IP6K1: variants seen among roughly 807,000 people sequenced by gnomAD.
The protein encoded by IP6K1 is inositol hexakisphosphate kinase 1.
A neutral mutation model predicts 38.3 loss-of-function variants in IP6K1; 13 were observed. The ratio of observed to expected loss-of-function variants is 0.34; its 90% CI spans 0.22 to 0.54. The LOEUF is 0.54. Among genes scored for constraint, IP6K1 ranks in the 20% least tolerant of loss-of-function variants. IP6K1 has a pLI of 0.92. For missense variants in IP6K1, 397 were observed against 599.8 expected (o/e 0.66, Z 3.53); for synonymous variants, 212 against 229.9 (o/e 0.92, Z 0.70).
chr3:49,747,789 T>C, intron 2 of IP6K1, 29 bp downstream of exon 2: 1 of 1,613,902 alleles, frequency 6.2e-7, no homozygotes, highest in Non-Finnish European at 8.5e-7. Flanking sequence ...CCAAGGCTGC[T>C]GCTTTCATTA....
chr3:49,744,435 A>G (rs1157133081), intron 2 of IP6K1, among the ~76,000 whole-genome samples: 1 of 150,036 alleles, frequency 6.7e-6, no homozygotes, highest in Non-Finnish European at 1.5e-5. Flanking sequence ...AAAAGAAATT[A>G]GAATTCTATA....
chr3:49,727,142 T>C lies in IP6K1; in HGVS notation c.1306A>G (p.Met436Val). 1 of 1,610,432 alleles carries C rather than the reference T, an allele frequency of 6.2e-7. No individual in the cohort carries two copies. Among genetic ancestry groups the C allele is most frequent in the Non-Finnish European group, 8.5e-7 (1 of 1,177,360 alleles). ...LENLISIMEQ[M>V]RDENQ ...AGGGCCTACTGGTTCTCGTCCCGCA[T>C]CTGTTCCATGATGCTGATGAGGTTC... is the stretch of plus-strand genomic sequence containing the variant. The change falls in exon 6 of 6, where the codon ATG (methionine) becomes GTG (valine). Residue 436 changes from methionine to valine, a missense_variant. This residue lies in a region of IP6K1 where 164 missense variants were observed against 213.5 expected (regional missense o/e 0.77). Coordinates refer to ENST00000321599, the MANE Select transcript of IP6K1 (RefSeq NM_153273.4). This position sits in a 1 kb window ranked among gnomAD's most constrained non-coding sequence, Gnocchi z 5.9.
intron 1 of IP6K1, among the ~76,000 whole-genome samples, chr3:49,762,825 T>G (rs1179584390): frequency 1.3e-5 from 2 of 151,528 alleles, no homozygotes; most frequent in Non-Finnish European, 2.9e-5. Flanking sequence ...CAGGCTGGAG[T>G]GCATGGCACA....
intron 1 of IP6K1, among the ~76,000 whole-genome samples, chr3:49,765,843 G>C (rs2080906982): frequency 6.6e-6 from 1 of 151,402 alleles, no homozygotes. Context: ...AGGAGTTCAA[G>C]ACCAGACTGG....
At chr3:49,762,897 G>A (rs1401105818) in intron 1 of IP6K1, among the ~76,000 whole-genome samples, 2 of 151,480 alleles carry the variant, frequency 1.3e-5, no homozygotes, top group East Asian at 2.0e-4. Flanking sequence ...TCAGCCTCCT[G>A]AGTAGCTGGG....
intron 3 of IP6K1, among the ~76,000 whole-genome samples, chr3:49,733,796 T>C (rs999850011): frequency 6.6e-6 from 1 of 152,138 alleles, no homozygotes; most frequent in African/African-American, 2.4e-5. Flanking sequence ...TACTTAATGC[T>C]ACCAAACCAC....
At chr3:49,758,508 C>G (rs1391797330) in intron 1 of IP6K1, 1 of 152,078 alleles carries the variant, frequency 6.6e-6, no homozygotes, top group East Asian at 1.9e-4. Context: ...ATTGGTGGAG[C>G]ATTCGTTGTA....
chr3:49,757,091 A>C (rs1209343614), intron 1 of IP6K1, among the ~76,000 whole-genome samples: 1 of 152,174 alleles, frequency 6.6e-6, no homozygotes, highest in Non-Finnish European at 1.5e-5. Context: ...CTTAAAATTA[A>C]ACTGTCTAAA....
intron 2 of IP6K1, among the ~76,000 whole-genome samples, chr3:49,744,318 C>A (rs950562766): frequency 7.4e-6 from 1 of 134,514 alleles, no homozygotes; most frequent in Non-Finnish European, 1.5e-5. Flanking sequence ...AGAAGAATGG[C>A]GTGAACCCGG....
At chr3:49,759,104 T>C (rs2080848138) in intron 1 of IP6K1, among the ~76,000 whole-genome samples, 1 of 152,154 alleles carries the variant, frequency 6.6e-6, no homozygotes, top group African/African-American at 2.4e-5. Context: ...TATCTTTCTA[T>C]GGTATCTCAA....
chr3:49,783,111 C>A (rs2081081268), intron 1 of IP6K1, among the ~76,000 whole-genome samples: 1 of 141,906 alleles, frequency 7.0e-6, no homozygotes, highest in Non-Finnish European at 1.5e-5. Context: ...CAGAGTGAGA[C>A]TCTGTCTCAA....
chr3:49,761,081 C>T (rs184489801), intron 1 of IP6K1, among the ~76,000 whole-genome samples: 7 of 151,826 alleles, frequency 4.6e-5, no homozygotes, highest in East Asian at 3.9e-4. Flanking sequence ...TTTGGGAGGC[C>T]GAGGCGAATG....
chr3:49,786,216 G>C (rs1054808077), intron 1 of IP6K1, 138 bp downstream of exon 1: 2 of 152,286 alleles, frequency 1.3e-5, no homozygotes, highest in Admixed American at 6.5e-5. Flanking sequence ...CGGGCGGCCG[G>C]TCAGGACGCT....
intron 1 of IP6K1, among the ~76,000 whole-genome samples, chr3:49,754,596 GT>G (rs71278637): frequency 2.0e-5 from 3 of 151,576 alleles, no homozygotes; most frequent in Non-Finnish European, 4.4e-5. Flanking sequence ...AATCATATGA[GT>G]TTTTTTTTGT....
Position 49,727,691 on chromosome 3 carries a change from G to A in IP6K1, c.793-36C>T. 1 of 1,596,524 alleles carries A rather than the reference G, an allele frequency of 6.3e-7. No individual in the cohort carries two copies. The highest frequency in any genetic ancestry group is 8.6e-7 in the Non-Finnish European group (1 of 1,169,488). ...AGGAGGCAGACAGGGTGAGTGCCAG[G>A]GAAGTCTGAAGAGCTCACAGTGCCC... On this transcript the variant is annotated intron_variant, in intron 5 of 5. Coordinates refer to ENST00000321599, the MANE Select transcript of IP6K1 (RefSeq NM_153273.4). This position sits in a 1 kb window ranked among gnomAD's most constrained non-coding sequence, Gnocchi z 5.9.
rs1262516901 is a variant in IP6K1, at chr3:49,727,261, C to T, written c.1187G>A (p.Arg396His). 4 of 1,614,150 alleles carry T rather than the reference C, an allele frequency of 2.5e-6. No individual in the cohort carries two copies. The highest frequency in any genetic ancestry group is 2.7e-5 in the African/African-American group (2 of 75,038). The change falls in exon 6 of 6, where the codon CGC becomes CAC. Residue 396 changes from arginine to histidine, a missense_variant. Transcript: ENST00000321599. This position sits in a 1 kb window ranked among gnomAD's most constrained non-coding sequence, Gnocchi z 5.9. ...TGTGCTGTGTGCAAAGTCAATCATG[C>T]GGACATCCACCTTGGGCTGAGAGGA... ...GPSSQPKVDVRMIDFAHSTFK... is the reference protein window; with the variant it reads ...GPSSQPKVDVHMIDFAHSTFK...
chr3:49,754,626 A>T (rs2080806968), intron 1 of IP6K1, among the ~76,000 whole-genome samples: 2 of 152,150 alleles, frequency 1.3e-5, no homozygotes, highest in South Asian at 4.1e-4. Flanking sequence ...ATTTTAATGC[A>T]ACAACACATC....
chr3:49,739,157 AG>A (rs1377477921), intron 2 of IP6K1, among the ~76,000 whole-genome samples: 1 of 152,118 alleles, frequency 6.6e-6, no homozygotes, highest in Non-Finnish European at 1.5e-5. Flanking sequence ...GGGAAAAAAA[AG>A]TAACTTGGTC....
chr3:49,751,113 G>A (rs1286904052), intron 1 of IP6K1, among the ~76,000 whole-genome samples: 1 of 151,718 alleles, frequency 6.6e-6, no homozygotes, highest in African/African-American at 2.4e-5. Context: ...GCCTCGCCTA[G>A]TGCCCATCCC....
Sources: gnomAD v4.1 joint callset for allele counts (sites outside exome capture counted in the v4.1 genomes callset) on GRCh38, gnomAD v4.1.1 for gene constraint, gnomAD v4.1.1 regional missense constraint, Gnocchi (gnomAD v3.1) non-coding constraint, MANE v1.5 for transcripts, NCBI Gene and HGNC (gene_info 2026-07-23, HGNC 2026-07-21) for gene names.